Variants in VPS35L observed in about 807,000 individuals in gnomAD.
The protein encoded by VPS35L is VPS35 endosomal protein sorting factor like.
In VPS35L, 83 loss-of-function variants were observed where a neutral mutation model predicts 133.0. That is an observed-to-expected ratio of 0.62 (90% CI 0.52 to 0.75). VPS35L has a LOEUF of 0.75. VPS35L is among the 30% of genes least tolerant of loss of function. VPS35L has a pLI of 0.00. For synonymous variants in VPS35L, 423 were observed against 449.9 expected, an observed-to-expected ratio of 0.94 and a Z score of 0.76; for missense variants, 1,083 against 1,206.8, an observed-to-expected ratio of 0.90 and a Z score of 1.52.
intron 19 of VPS35L, among the ~76,000 whole-genome samples, chr16:19,635,411 T>G (rs1973593723): frequency 6.6e-6 from 1 of 152,074 alleles, no homozygotes; most frequent in African/African-American, 2.4e-5. Flanking sequence ...CCCACATATA[T>G]CATTGCCCTA....
intron 8 of VPS35L, among the ~76,000 whole-genome samples, chr16:19,595,970 C>A (rs1235003584): frequency 6.6e-6 from 1 of 152,128 alleles, no homozygotes; most frequent in Non-Finnish European, 1.5e-5. Flanking sequence ...ATGGTGAAAC[C>A]TCGTCTCTAC....
At position 19,626,098 on chromosome 16, in the gene VPS35L, G is replaced by A. The variant is rs111598626; in HGVS notation, c.1225-79G>A. On this transcript the variant is annotated intron_variant, in intron 14 of 30. Transcript: ENST00000417362. ...TGTGGCTACATTCATTTTAGAGTTC[G>A]ACTTTGGAAATCTCTTAGAAATGTT... is the stretch of plus-strand genomic sequence containing the variant. 1,263 of 920,532 alleles carry A rather than the reference G, an allele frequency of 1.4e-3. 16 individuals carry two copies. In the African/African-American group the frequency reaches 0.019, roughly 14 times the overall value. 57.0% of individuals were successfully genotyped at this position (920,532 alleles called of 1,614,324 possible). A position where few individuals can be genotyped will look rare whatever the true frequency, so the allele number is the denominator to read the frequency against.
intron 29 of VPS35L, chr16:19,694,237 T>A (rs1409722350): frequency 2.0e-5 from 3 of 152,206 alleles, no homozygotes; most frequent in Non-Finnish European, 4.4e-5. Context: ...AATTTTTAAA[T>A]GTTGCATATC....
At position 19,691,489 on chromosome 16, in the gene VPS35L, T is replaced by G; in HGVS notation, c.2646+18T>G. The G allele has an allele frequency of 6.3e-7, 1 of 1,582,496 alleles. No homozygotes were observed. Among genetic ancestry groups the G allele is most frequent in the East Asian group, 2.2e-5 (1 of 44,672 alleles). On this transcript the variant is annotated intron_variant, in intron 29 of 30. Transcript: ENST00000417362. ...AGGACGAGGTGGGTGCCCTCTGCTG[T>G]CCTCCACCCGCCCCTTGCTCTGAAA...
chr16:19,611,346 G>C (rs1395627025), intron 12 of VPS35L, among the ~76,000 whole-genome samples: 4 of 152,158 alleles, frequency 2.6e-5, no homozygotes, highest in African/African-American at 9.7e-5. Context: ...CAGGGGCTTT[G>C]CCTCTGTCAG....
At chr16:19,562,288 G>A (rs1365780848) in intron 1 of VPS35L, among the ~76,000 whole-genome samples, 2 of 152,204 alleles carry the variant, frequency 1.3e-5, no homozygotes, top group Middle Eastern at 3.4e-3. Context: ...AGATATTGAG[G>A]GCAGCTGGAT....
intron 8 of VPS35L, among the ~76,000 whole-genome samples, chr16:19,594,813 G>T (rs950082490): frequency 6.6e-6 from 1 of 152,018 alleles, no homozygotes; most frequent in Non-Finnish European, 1.5e-5. Context: ...GGGTGAAGAG[G>T]AATGGAGGGA....
intron 8 of VPS35L, among the ~76,000 whole-genome samples, chr16:19,599,108 G>A (rs1972303521): frequency 6.6e-6 from 1 of 152,216 alleles, no homozygotes; most frequent in African/African-American, 2.4e-5. Context: ...AAAAAGGCAG[G>A]TGGCTTTGAG....
In VPS35L at chr16:19,650,833, T is replaced by G. The variant is rs145941896; in HGVS notation, c.2106+374T>G. Reference sequence around the variant, plus strand: ...AAAATATGTATAATAATATTGTTCTTGTAACTGAAAGGCCTTTTTTCCTCT... The same window carrying G: ...AAAATATGTATAATAATATTGTTCTGGTAACTGAAAGGCCTTTTTTCCTCT... On this transcript the variant is annotated intron_variant, in intron 25 of 30. Transcript: ENST00000417362. Among the ~76,000 whole-genome samples, 597 of 152,142 alleles carry G rather than the reference T, an allele frequency of 3.9e-3. 11 individuals are homozygous for G. The East Asian group carries it at 0.05, about 13-fold the overall frequency.
At position 19,699,700 on chromosome 16, in the gene VPS35L, C is replaced by T. The variant is rs1474812787; in HGVS notation, c.2793+52C>T. The T allele has an allele frequency of 1.9e-6, 3 of 1,600,808 alleles. No individual in the cohort carries two copies. Among genetic ancestry groups the T allele is most frequent in the East Asian group, 2.2e-5 (1 of 44,786 alleles). On this transcript the variant is annotated intron_variant, in intron 30 of 30. Transcript: ENST00000417362. This position sits in a 1 kb window ranked among gnomAD's most constrained non-coding sequence, Gnocchi z 4.2. ...ATAAGCCCACTGGCCAGTGCACAAC[C>T]ACCCTCAACACAGCATTGTGGCCTG...
chr16:19,690,301 A>G (rs568324150), intron 28 of VPS35L, among the ~76,000 whole-genome samples: 15 of 152,218 alleles, frequency 9.9e-5, no homozygotes, highest in South Asian at 6.2e-4. Flanking sequence ...TGTGAAGTTC[A>G]GTTGAGAGGA....
intron 27 of VPS35L, 122 bp downstream of exon 27, chr16:19,669,421 A>G (rs1974803376): frequency 8.0e-7 from 1 of 1,247,928 alleles, no homozygotes; most frequent in Non-Finnish European, 1.1e-6. Flanking sequence ...TTGGTTTTCC[A>G]GTTAGGTATT....
chr16:19,604,193 C>T (rs1263467679), intron 9 of VPS35L, among the ~76,000 whole-genome samples: 3 of 149,600 alleles, frequency 2.0e-5, no homozygotes, highest in Non-Finnish European at 4.4e-5. Flanking sequence ...TCTAGTTCTT[C>T]CTATTGTTAT....
At chr16:19,564,826 T>G in intron 1 of VPS35L, 25 bp from the exon 2 acceptor site, 1 of 1,554,756 alleles carries the variant, frequency 6.4e-7, no homozygotes, top group Non-Finnish European at 8.9e-7. Flanking sequence ...CATCCACTAA[T>G]TGGCTGTGTT....
At chr16:19,629,181 C>G (rs1973368284) in intron 17 of VPS35L, among the ~76,000 whole-genome samples, 1 of 152,152 alleles carries the variant, frequency 6.6e-6, no homozygotes, top group Admixed American at 6.6e-5. Flanking sequence ...CCTATAATCT[C>G]AGCACTTTGG....
At chr16:19,688,061 G>A (rs1975525967) in intron 28 of VPS35L, among the ~76,000 whole-genome samples, 1 of 151,812 alleles carries the variant, frequency 6.6e-6, no homozygotes, top group Non-Finnish European at 1.5e-5. Flanking sequence ...CGAGTAGCTG[G>A]GATTACAGGC....
intron 28 of VPS35L, among the ~76,000 whole-genome samples, chr16:19,688,211 G>A (rs950707034): frequency 6.6e-6 from 1 of 152,064 alleles, no homozygotes; most frequent in African/African-American, 2.4e-5. Context: ...ACAGGCGTGA[G>A]CCACTGTGCC....
Position 19,668,580 on chromosome 16 carries a change from C to G in VPS35L, c.2222-580C>G, listed in dbSNP as rs72769509. On this transcript the variant is annotated intron_variant, in intron 26 of 30. Coordinates refer to ENST00000417362, the MANE Select transcript of VPS35L (RefSeq NM_020314.7). ...CTATGGAGCTGATGTTAATCAGAAGCCTTTAAGCTGAGTGTGTGTGTGTGT... is the reference window on the plus strand; with the variant it reads ...CTATGGAGCTGATGTTAATCAGAAGGCTTTAAGCTGAGTGTGTGTGTGTGT... 3.7e-3 allele frequency among the ~76,000 whole-genome samples: 512 copies of G among 140,024 alleles called. 2 individuals carry two copies. The highest frequency in any genetic ancestry group is 6.6e-3 in the Non-Finnish European group (437 of 65,908). The allele number at this position is 140,024 out of a possible 152,430, so 91.9% of individuals were successfully genotyped here.
rs10709905 is a variant in VPS35L at position 19,685,051 on chromosome 16, C to CA, written c.2527+2676dup. 7.4e-3 allele frequency among the ~76,000 whole-genome samples: 866 copies of CA among 116,674 alleles called. 3 individuals carry two copies. Among genetic ancestry groups the CA allele is most frequent in the African/African-American group, 0.023 (730 of 31,410 alleles). 76.5% of individuals were successfully genotyped at this position (116,674 alleles called of 152,430 possible). A position where few individuals can be genotyped will look rare whatever the true frequency, so the allele number is the denominator to read the frequency against. On this transcript the variant is annotated intron_variant, in intron 28 of 30. Transcript: ENST00000417362. ...TGGGTGACAGAGCAAGACTCCATCT[C>CA]AAAAAAAAAAAAAAAGCAATGTTTT...
Sources: gnomAD v4.1 joint callset for allele counts (sites outside exome capture counted in the v4.1 genomes callset) on GRCh38, gnomAD v4.1.1 for gene constraint, Gnocchi (gnomAD v3.1) non-coding constraint, MANE v1.5 for transcripts, NCBI Gene and HGNC (gene_info 2026-07-23, HGNC 2026-07-21) for gene names.